Variants in PRDM5 observed in about 807,000 individuals in gnomAD.
PRDM5 encodes PR/SET domain 5, also known as PR domain zinc finger protein 5.
In PRDM5, 56 loss-of-function variants were observed where a neutral mutation model predicts 81.2. The ratio of observed to expected loss-of-function variants is 0.69; its 90% CI spans 0.56 to 0.86. PRDM5 has a LOEUF of 0.86. PRDM5 is among the 40% of genes least tolerant of loss of function. The pLI is 0.00. For synonymous variants in PRDM5, 267 were observed against 256.4 expected, an observed-to-expected ratio of 1.04 and a Z score of -0.39; for missense variants, 697 against 770.1, an observed-to-expected ratio of 0.91 and a Z score of 1.12.
Position 120,781,774 on chromosome 4 carries a change from T to C in PRDM5, c.1283-471A>G, listed in dbSNP as rs144051538. The stretch of plus-strand genomic sequence containing the variant: ...AGGTAGAGAGCTGAGGAGGAAAGCC[T>C]CTGAGGGCAGAGGGTGTGCATCAGA... On this transcript the variant is annotated intron_variant, in intron 11 of 15. Transcript: ENST00000264808. Among the ~76,000 whole-genome samples the C allele has an allele frequency of 4.8e-3, 727 of 152,216 alleles. 16 individuals are homozygous for C. Among genetic ancestry groups the C allele is most frequent in the Non-Finnish European group, 2.8e-3 (187 of 67,992 alleles).
At chr4:120,894,640 T>C (rs1344936093) in intron 2 of PRDM5, among the ~76,000 whole-genome samples, 1 of 152,206 alleles carries the variant, frequency 6.6e-6, no homozygotes, top group Non-Finnish European at 1.5e-5. Context: ...TTTAACTTTA[T>C]TGTAAAAACA....
chr4:120,856,197 G>A (rs1274206867), intron 2 of PRDM5, among the ~76,000 whole-genome samples: 5 of 151,968 alleles, frequency 3.3e-5, no homozygotes, highest in South Asian at 2.1e-4. Context: ...ACAATATTCC[G>A]TCTTAAGGGA....
chr4:120,882,397 C>T (rs1318028521), intron 2 of PRDM5, among the ~76,000 whole-genome samples: 1 of 152,150 alleles, frequency 6.6e-6, no homozygotes, highest in East Asian at 1.9e-4. Context: ...ATGCACATGC[C>T]TCGGCCTCCC....
chr4:120,863,419 A>C (rs1418879193), intron 2 of PRDM5, among the ~76,000 whole-genome samples: 1 of 151,966 alleles, frequency 6.6e-6, no homozygotes, highest in Non-Finnish European at 1.5e-5. Flanking sequence ...GAGTTCTTCT[A>C]AAAAATCAAG....
chr4:120,730,484 A>G (rs1328388501), intron 14 of PRDM5, among the ~76,000 whole-genome samples: 3 of 152,198 alleles, frequency 2.0e-5, no homozygotes, highest in Non-Finnish European at 4.4e-5. Flanking sequence ...TCATACAGAT[A>G]AGTCTTTATC....
At chr4:120,690,925 A>C (rs1435429047), downstream of PRDM5, among the ~76,000 whole-genome samples, 7 of 152,092 alleles carry the variant, frequency 4.6e-5, no homozygotes, top group African/African-American at 1.4e-4. Flanking sequence ...TCCTCCTACC[A>C]TGTAGTATGC....
At chr4:120,787,818 C>A (rs1364622305) in intron 10 of PRDM5, among the ~76,000 whole-genome samples, 1 of 152,058 alleles carries the variant, frequency 6.6e-6, no homozygotes, top group East Asian at 1.9e-4. Context: ...TACGAGATGT[C>A]TAGCACTACA....
chr4:120,790,640 T>G (rs771004273), intron 10 of PRDM5, among the ~76,000 whole-genome samples: 2 of 152,134 alleles, frequency 1.3e-5, no homozygotes, highest in African/African-American at 2.4e-5. Context: ...ATGAAAAAAA[T>G]CACGTTCTAT....
At chr4:120,853,144 TA>T (rs1262496320) in intron 3 of PRDM5, among the ~76,000 whole-genome samples, 1 of 152,074 alleles carries the variant, frequency 6.6e-6, no homozygotes, top group African/African-American at 2.4e-5. Flanking sequence ...CTGAATGAAA[TA>T]AAAGTACCTG....
intron 13 of PRDM5, among the ~76,000 whole-genome samples, chr4:120,771,000 T>C (rs1226650464): frequency 6.6e-6 from 1 of 152,152 alleles, no homozygotes; most frequent in Non-Finnish European, 1.5e-5. Context: ...CAAAAATATA[T>C]CCTTCTGTTT....
At chr4:120,831,426 A>C (rs1020815422) in intron 3 of PRDM5, among the ~76,000 whole-genome samples, 9 of 152,100 alleles carry the variant, frequency 5.9e-5, no homozygotes, top group Non-Finnish European at 1.2e-4. Context: ...CCACGCATTC[A>C]TTCCTACACC....
intron 14 of PRDM5, among the ~76,000 whole-genome samples, chr4:120,747,821 T>A (rs1362790145): frequency 1.3e-5 from 2 of 152,254 alleles, no homozygotes; most frequent in Non-Finnish European, 2.9e-5. Flanking sequence ...TGGAGAGAAC[T>A]GCGATCTTAG....
chr4:120,804,091 A>G (rs1752542844), intron 8 of PRDM5, among the ~76,000 whole-genome samples: 1 of 152,242 alleles, frequency 6.6e-6, no homozygotes, highest in Admixed American at 6.5e-5. Context: ...ACAAAGATCA[A>G]AAGAGAAAAA....
intron 2 of PRDM5, among the ~76,000 whole-genome samples, chr4:120,875,570 C>T (rs1300680720): frequency 6.6e-6 from 1 of 152,178 alleles, no homozygotes; most frequent in Non-Finnish European, 1.5e-5. Context: ...TGGGAATCAG[C>T]CAAGTTTCCA....
intron 10 of PRDM5, among the ~76,000 whole-genome samples, chr4:120,794,083 T>C (rs1447611992): frequency 2.6e-5 from 4 of 152,248 alleles, no homozygotes; most frequent in African/African-American, 9.6e-5. Context: ...TGGTTCCTTC[T>C]GTCAGATTCA....
At position 120,863,191 on chromosome 4, in the gene PRDM5, T is replaced by TATATACACACACACAC. The variant is rs1553997193; in HGVS notation, c.178-9652_178-9651insGTGTGTGTGTGTATAT. 3.3e-3 allele frequency among the ~76,000 whole-genome samples: 235 copies of TATATACACACACACAC among 70,260 alleles called. No individual in the cohort carries two copies. The East Asian group carries it at 0.036, about 11-fold the overall frequency. The allele number at this position is 70,260 out of a possible 152,430, so 46.1% of individuals were successfully genotyped here. ...AAAAAAAAAAATATATATATATATA[T>TATATACACACACACAC]ACACACACACACACACACACACACA... On this transcript the variant is annotated intron_variant, in intron 2 of 15. Coordinates refer to ENST00000264808, the MANE Select transcript of PRDM5 (RefSeq NM_018699.4).
chr4:120,720,104 CA>C (rs1263764577), intron 14 of PRDM5, among the ~76,000 whole-genome samples: 1 of 152,168 alleles, frequency 6.6e-6, no homozygotes, highest in Non-Finnish European at 1.5e-5. Context: ...CCAGCATAGC[CA>C]AGCTGTTCAC....
At chr4:120,921,412 T>C (rs1470696) in intron 1 of PRDM5, among the ~76,000 whole-genome samples, 92,783 of 152,142 alleles carry the variant, frequency 0.61, 29,087 homozygotes, top group Non-Finnish European at 0.68. Flanking sequence ...TTCTCCAATT[T>C]TGCCCTGAAG....
intron 13 of PRDM5, among the ~76,000 whole-genome samples, chr4:120,757,061 A>G (rs1322526917): frequency 3.9e-5 from 6 of 152,210 alleles, no homozygotes; most frequent in Non-Finnish European, 8.8e-5. Flanking sequence ...TAATCCTAAT[A>G]TAATATACCA....
Sources: gnomAD v4.1 joint callset for allele counts (sites outside exome capture counted in the v4.1 genomes callset) on GRCh38, gnomAD v4.1.1 for gene constraint, MANE v1.5 for transcripts, NCBI Gene and HGNC (gene_info 2026-07-23, HGNC 2026-07-21) for gene names.